The following NRXN3 variants were observed in gnomAD, a reference collection of about 807,000 sequenced individuals.
NRXN3 encodes neurexin 3, also known as neurexin III.
Under a neutral mutation model 137.6 loss-of-function variants are expected in NRXN3, and 32 were observed. The observed-to-expected ratio is 0.23, with a 90% CI of 0.18 to 0.31. The LOEUF is 0.31. NRXN3 is among the 10% of genes least tolerant of loss of function. The pLI is 1.00. For missense variants in NRXN3, 1,574 were observed against 2,062.5 expected, an observed-to-expected ratio of 0.76 and a Z score of 4.59; for synonymous variants, 798 against 784.5, an observed-to-expected ratio of 1.02 and a Z score of -0.29.
chr14:79,631,747 A>G (rs2098351381), intron 16 of NRXN3, among the ~76,000 whole-genome samples: 1 of 151,686 alleles, frequency 6.6e-6, no homozygotes, highest in South Asian at 2.1e-4. Flanking sequence ...AAGGTTTGTA[A>G]ACGCACCAAT....
At chr14:78,555,658 A>G (rs1284933834) in intron 4 of NRXN3, among the ~76,000 whole-genome samples, 1 of 152,212 alleles carries the variant, frequency 6.6e-6, no homozygotes, top group African/African-American at 2.4e-5. Context: ...CAACTTTTAA[A>G]TGGAATATGA....
At chr14:78,172,912 G>A (rs1305353211) in intron 1 of NRXN3, among the ~76,000 whole-genome samples, 4 of 152,058 alleles carry the variant, frequency 2.6e-5, no homozygotes, top group African/African-American at 4.8e-5. Flanking sequence ...TTTTGACGGC[G>A]TTCTGGCCTC....
At chr14:79,824,834 T>G (rs1284804356) in intron 20 of NRXN3, among the ~76,000 whole-genome samples, 1 of 152,242 alleles carries the variant, frequency 6.6e-6, no homozygotes, top group Non-Finnish European at 1.5e-5. Context: ...TATCATCATA[T>G]GTAAAATATA....
chr14:79,254,443 T>G (rs1007632271), intron 15 of NRXN3, among the ~76,000 whole-genome samples: 9 of 152,164 alleles, frequency 5.9e-5, no homozygotes, highest in Non-Finnish European at 1.2e-4. Context: ...CTGTGATGAA[T>G]TTAGACATTG....
chr14:78,624,051 C>T (rs1022029852), intron 4 of NRXN3, among the ~76,000 whole-genome samples: 12 of 152,298 alleles, frequency 7.9e-5, no homozygotes, highest in South Asian at 2.1e-4. Flanking sequence ...ACTTGATTAG[C>T]GTGCCCTTTC....
intron 1 of NRXN3, among the ~76,000 whole-genome samples, chr14:78,203,567 G>A (rs1298171030): frequency 2.0e-5 from 3 of 152,172 alleles, no homozygotes; most frequent in African/African-American, 7.2e-5. Flanking sequence ...AGGAGGGACA[G>A]GAAATGGGAC....
intron 8 of NRXN3, among the ~76,000 whole-genome samples, chr14:78,772,691 G>A (rs1307812495): frequency 1.3e-5 from 2 of 152,138 alleles, no homozygotes; most frequent in Non-Finnish European, 2.9e-5. Flanking sequence ...TAGGTCTGGG[G>A]TGGGGCCTGG....
chr14:78,313,608 T>C (rs1366129339), intron 4 of NRXN3, among the ~76,000 whole-genome samples: 1 of 152,148 alleles, frequency 6.6e-6, no homozygotes, highest in East Asian at 1.9e-4. Flanking sequence ...GTTACAGAGC[T>C]AGCAGCAGAA....
chr14:78,712,038 A>T (rs2152840990), intron 7 of NRXN3, among the ~76,000 whole-genome samples: 1 of 152,362 alleles, frequency 6.6e-6, no homozygotes, highest in East Asian at 1.9e-4. Flanking sequence ...CACTTGGGCA[A>T]GTCAGTCTTA....
At chr14:79,286,535 AATATATAT>A (rs111827205) in intron 15 of NRXN3, among the ~76,000 whole-genome samples, 1 of 139,676 alleles carries the variant, frequency 7.2e-6, no homozygotes, top group Non-Finnish European at 1.6e-5. Flanking sequence ...TTGAGAGAAT[AATATATAT>A]ATATATATAT....
chr14:78,663,183 C>G (rs2097854723), intron 6 of NRXN3, among the ~76,000 whole-genome samples: 1 of 152,124 alleles, frequency 6.6e-6, no homozygotes, highest in Admixed American at 6.5e-5. Context: ...CCCTTTCTAC[C>G]AATTCAGTCA....
At chr14:78,703,345 G>A (rs962097514) in intron 6 of NRXN3, among the ~76,000 whole-genome samples, 6 of 152,106 alleles carry the variant, frequency 3.9e-5, no homozygotes, top group African/African-American at 1.2e-4. Context: ...AGGGAAGTGG[G>A]GCAGAGACAG....
intron 8 of NRXN3, among the ~76,000 whole-genome samples, chr14:78,763,718 A>G (rs2098700058): frequency 1.3e-5 from 2 of 152,172 alleles, no homozygotes; most frequent in South Asian, 4.1e-4. Flanking sequence ...CTAGTTTTAA[A>G]GCAGCATGCA....
At chr14:79,573,637 T>C (rs1243689127) in intron 16 of NRXN3, among the ~76,000 whole-genome samples, 1 of 152,178 alleles carries the variant, frequency 6.6e-6, no homozygotes, top group Non-Finnish European at 1.5e-5. Flanking sequence ...TTGTGGCTTT[T>C]GTGCATTGCT....
At chr14:79,013,042 T>A (rs910759882) in intron 15 of NRXN3, among the ~76,000 whole-genome samples, 2 of 152,168 alleles carry the variant, frequency 1.3e-5, no homozygotes, top group Non-Finnish European at 2.9e-5. Flanking sequence ...GCGAAACACA[T>A]GGTGTATGTG....
At chr14:78,726,699 T>C (rs1165105182) in intron 8 of NRXN3, among the ~76,000 whole-genome samples, 1 of 151,696 alleles carries the variant, frequency 6.6e-6, no homozygotes, top group Non-Finnish European at 1.5e-5. Context: ...TTGTATTTTT[T>C]GTAGACATGG....
chr14:79,245,501 C>T (rs2075024868), intron 15 of NRXN3, among the ~76,000 whole-genome samples: 1 of 152,002 alleles, frequency 6.6e-6, no homozygotes, highest in African/African-American at 2.4e-5. Flanking sequence ...TGAATGAGTT[C>T]TCATGTAATT....
At chr14:79,008,703 G>A (rs2152383065) in intron 15 of NRXN3, among the ~76,000 whole-genome samples, 1 of 143,596 alleles carries the variant, frequency 7.0e-6, no homozygotes, top group African/African-American at 2.6e-5. Flanking sequence ...CTTTTGCCTA[G>A]GCAGGAGTGA....
chr14:79,571,719 C>T lies in NRXN3; in HGVS notation c.3445-92059C>T, dbSNP rs544718227. On this transcript the variant is annotated intron_variant, in intron 16 of 20. Coordinates refer to ENST00000335750, the MANE Select transcript of NRXN3 (RefSeq NM_001330195.2). ...ACAAAAAGTTATTGTAGTAAGTGCACTTGTGTGTGTATGTGAGGGGTGTGG... is the reference window on the plus strand; with the variant it reads ...ACAAAAAGTTATTGTAGTAAGTGCATTTGTGTGTGTATGTGAGGGGTGTGG... Among the ~76,000 whole-genome samples, 25 of 152,196 alleles carry T rather than the reference C, an allele frequency of 1.6e-4. No homozygotes were observed. The South Asian group carries it at 4.4e-3, about 26-fold the overall frequency.
Sources: allele counts gnomAD v4.1 joint callset (sites outside exome capture counted in the v4.1 genomes callset), GRCh38; gene constraint gnomAD v4.1.1; transcripts MANE v1.5; gene names NCBI Gene and HGNC (gene_info 2026-07-23, HGNC 2026-07-21).